ZFYVE26: variants seen among roughly 807,000 people sequenced by gnomAD.
The protein encoded by ZFYVE26 is zinc finger FYVE domain-containing protein 26.
ZFYVE26 carries 181 observed loss-of-function variants against 276.5 expected under a neutral mutation model. The ratio of observed to expected loss-of-function variants is 0.65; its 90% confidence interval spans 0.58 to 0.74. The LOEUF is 0.74. Among genes scored for constraint, ZFYVE26 ranks in the 30% least tolerant of loss-of-function variants. The probability of loss-of-function intolerance (pLI) is 0.00; values close to 1 mark genes in which losing one functional copy is unlikely to be tolerated. For synonymous variants in ZFYVE26, 1,129 were observed against 1,203.1 expected, an observed-to-expected ratio of 0.94 and a Z score of 1.27; for missense variants, 2,821 against 3,097.9, an observed-to-expected ratio of 0.91 and a Z score of 2.12.
At chr14:67,753,871 T>C in intron 38 of ZFYVE26, 105 bp from the exon 39 acceptor site, 3 of 1,510,442 alleles carry the variant, frequency 2.0e-6, no homozygotes, top group Non-Finnish European at 2.7e-6. Flanking sequence ...CAAATATTTG[T>C]TGAGACCCTG....
chr14:67,788,577 T>C (rs926085425), intron 16 of ZFYVE26, among the ~76,000 whole-genome samples: 1 of 152,202 alleles, frequency 6.6e-6, no homozygotes, highest in Non-Finnish European at 1.5e-5. Context: ...TTTTATCCTA[T>C]GAGCCTTTTT....
chr14:67,732,647 A>C (rs1344594957), intron 13 of ZFYVE26, among the ~76,000 whole-genome samples: 1 of 151,424 alleles, frequency 6.6e-6, no homozygotes, highest in African/African-American at 2.4e-5. Context: ...CGTGATCTCC[A>C]CTCACTGCAA....
intron 14 of ZFYVE26, among the ~76,000 whole-genome samples, chr14:67,792,188 C>A (rs2039831893): frequency 6.6e-6 from 1 of 151,994 alleles, no homozygotes; most frequent in Non-Finnish European, 1.5e-5. Context: ...TAAAAATTGT[C>A]CTGTTACCTA....
downstream of ZFYVE26, among the ~76,000 whole-genome samples, chr14:67,745,518 G>T (rs77188743): frequency 9.9e-3 from 1,495 of 151,488 alleles, 35 homozygotes; most frequent in African/African-American, 0.035. Context: ...TCATGTTTCC[G>T]GGGAAAGGAG....
At chr14:67,783,751 C>G (rs1442137021) in intron 20 of ZFYVE26, among the ~76,000 whole-genome samples, 1 of 152,148 alleles carries the variant, frequency 6.6e-6, no homozygotes, top group Non-Finnish European at 1.5e-5. Context: ...AGAGAGGACC[C>G]TCTTTAGTTT....
rs912006813 is a variant in ZFYVE26, at chr14:67,804,078, C to T, written c.1435+23G>A. ...GAATGTCCTAAGAGGAAATCCTGGC[C>T]AGGTCATTCCATCCCAACTCACCAG... is the stretch of plus-strand genomic sequence containing the variant. On this transcript the variant is annotated intron_variant, in intron 9 of 41. Coordinates refer to ENST00000347230, the MANE Select transcript of ZFYVE26 (RefSeq NM_015346.4). 5 of 1,613,468 alleles carry T rather than the reference C, an allele frequency of 3.1e-6. No individual in the cohort carries two copies. The African/African-American group carries it at 6.7e-5, about 22-fold the overall frequency.
At chr14:67,795,283 T>C (rs926211450) in intron 12 of ZFYVE26, among the ~76,000 whole-genome samples, 9 of 152,184 alleles carry the variant, frequency 5.9e-5, no homozygotes, top group Non-Finnish European at 1.3e-4. Flanking sequence ...TTAAGGGACT[T>C]AGCAACGCAA....
chr14:67,793,842 T>C (rs2039885110), intron 13 of ZFYVE26, 83 bp from the exon 14 acceptor site: 5 of 1,569,306 alleles, frequency 3.2e-6, no homozygotes, highest in Admixed American at 1.7e-5. Context: ...CCCACCAAAC[T>C]TTTATCTCCT....
chr14:67,761,753 GATAAAAAA>G (rs2038935910), intron 34 of ZFYVE26, 169 bp from the exon 35 acceptor site: 9 of 574,902 alleles, frequency 1.6e-5, no homozygotes, highest in Non-Finnish European at 2.4e-5. Context: ...CTTAAAGTAT[GATAAAAAA>G]ATAAAAAAAC....
intron 13 of ZFYVE26, among the ~76,000 whole-genome samples, chr14:67,739,110 G>A (rs933195957): frequency 6.6e-6 from 1 of 152,188 alleles, no homozygotes; most frequent in Admixed American, 6.5e-5. Context: ...CATGGCCGGT[G>A]GGATGTGGAA....
At chr14:67,746,282 C>T (rs1462082463), downstream of ZFYVE26, among the ~76,000 whole-genome samples, 1 of 137,316 alleles carries the variant, frequency 7.3e-6, no homozygotes, top group East Asian at 2.1e-4. Context: ...CCTATCTCTA[C>T]CCATCCCCCA....
intron 40 of ZFYVE26, 82 bp from the exon 41 acceptor site, chr14:67,751,178 G>C: frequency 6.6e-7 from 1 of 1,510,852 alleles, no homozygotes; most frequent in Non-Finnish European, 9.2e-7. Flanking sequence ...CCTCAGCCCA[G>C]CCATTCTGAC....
chr14:67,784,367 T>C lies in ZFYVE26; in HGVS notation c.3593A>G (p.His1198Arg), dbSNP rs1287592028. ...LQQSSSQLVS[H>R]LLFERQVPPE... ...GGGAACTTGTCTCTCAAACAGGAGA[T>C]GTGACACCAGTTGGGAAGAGCTCTG... Residue 1198 changes from histidine (H) to arginine (R), a missense_variant, in exon 20 of 42, where the codon CAT becomes CGT. His to Arg is a conservative substitution (Grantham distance 29, BLOSUM62 0). Coordinates refer to ENST00000347230, the MANE Select transcript of ZFYVE26 (RefSeq NM_015346.4). 1.9e-6 allele frequency: 3 copies of C among 1,614,040 alleles called. No individual in the cohort carries two copies. In the Admixed American group the frequency reaches 5.0e-5, roughly 27 times the overall value.
At chr14:67,740,125 A>C (rs1415562625) in intron 13 of ZFYVE26, among the ~76,000 whole-genome samples, 1 of 152,200 alleles carries the variant, frequency 6.6e-6, no homozygotes, top group Non-Finnish European at 1.5e-5. Flanking sequence ...ATATCCAGCT[A>C]TTCCATTTCT....
chr14:67,740,170 AT>A (rs961919325), intron 13 of ZFYVE26, among the ~76,000 whole-genome samples: 3 of 152,054 alleles, frequency 2.0e-5, no homozygotes, highest in Non-Finnish European at 4.4e-5. Context: ...AGCCCACAAA[AT>A]TTTTTTTTCC....
rs1213940479 is a variant in ZFYVE26 at position 67,762,752 on chromosome 14, C to G, written c.6079G>C (p.Asp2027His). 6.2e-7 allele frequency: 1 copy of G among 1,614,068 alleles called. No homozygotes were observed. Among genetic ancestry groups the G allele is most frequent in the Admixed American group, 1.7e-5 (1 of 60,006 alleles). ...ACTGCAGCTGGCTGCAAGATCTGAT[C>G]CAAAGATGGCACGTGGCGATAGGCA... ...AAAYRHVPSL[D>H]QILQPAAVTR... Residue 2027 changes from aspartate to histidine, a missense_variant, in exon 33 of 42, where the codon GAT (aspartate) becomes CAT (histidine). Transcript: ENST00000347230.
intron 9 of ZFYVE26, among the ~76,000 whole-genome samples, chr14:67,802,896 G>A (rs1405296174): frequency 6.6e-6 from 1 of 152,168 alleles, no homozygotes; most frequent in Non-Finnish European, 1.5e-5. Context: ...AAGAAAGTTT[G>A]TGTCTCTCAA....
At chr14:67,753,243 CAG>C (rs1468955675) in intron 39 of ZFYVE26, among the ~76,000 whole-genome samples, 1 of 152,210 alleles carries the variant, frequency 6.6e-6, no homozygotes, top group Non-Finnish European at 1.5e-5. Flanking sequence ...CTCATGGTCT[CAG>C]TGCCCTGCTC....
Position 67,793,598 on chromosome 14 carries a change from C to T in ZFYVE26, c.2553+10G>A, listed in dbSNP as rs2039876551. ...CATTCAGGGGCTGAAAAGGTATGGC[C>T]TCCCCTCACCTGATGGGCTTCTGCG... On this transcript the variant is annotated intron_variant, in intron 14 of 41. Transcript: ENST00000347230. 1.9e-6 allele frequency: 3 copies of T among 1,612,934 alleles called. No homozygotes were observed. Among genetic ancestry groups the T allele is most frequent in the Non-Finnish European group, 2.5e-6 (3 of 1,179,550 alleles).
Sources: gnomAD v4.1 joint callset for allele counts (sites outside exome capture counted in the v4.1 genomes callset) on GRCh38, gnomAD v4.1.1 for gene constraint, MANE v1.5 for transcripts, NCBI Gene and HGNC (gene_info 2026-07-23, HGNC 2026-07-21) for gene names.